The following SDR42E1 variants were observed in gnomAD, a reference collection of about 807,000 sequenced individuals.
SDR42E1 encodes the protein short-chain dehydrogenase/reductase family 42E member 1.
Under a neutral mutation model 2.6 loss-of-function variants are expected in SDR42E1, and 5 were observed. That is an observed-to-expected ratio of 1.94 (90% CI 1.01 to 4.08). The LOEUF is 4.08. Ranked by LOEUF, SDR42E1 falls within the 30% of genes most tolerant of loss-of-function variation. The pLI is 0.00. For synonymous variants in SDR42E1, 231 were observed against 188.3 expected (o/e 1.23, Z -1.86); for missense variants, 596 against 478.6 (o/e 1.25, Z -2.29).
intron 1 of SDR42E1, among the ~76,000 whole-genome samples, chr16:82,002,449 T>C (rs575184090): frequency 6.6e-6 from 1 of 152,192 alleles, no homozygotes; most frequent in African/African-American, 2.4e-5. Context: ...AACAAACACA[T>C]ACCTAGTGCT....
In SDR42E1 at chr16:81,990,124, C is replaced by T. The variant is rs1245770251; in HGVS notation, c.*8987G>A. On this transcript the variant is annotated 3_prime_UTR_variant, in exon 3 of 3. Coordinates refer to ENST00000328945, the MANE Select transcript of SDR42E1 (RefSeq NM_145168.3). ...GCCAGGAGTTTGAGACCAGCCTGGGCAAAACGGTGAGACCCTGTCTCTACA... is the reference window on the plus strand; with the variant it reads ...GCCAGGAGTTTGAGACCAGCCTGGGTAAAACGGTGAGACCCTGTCTCTACA... 1 of 152,250 alleles carries T rather than the reference C, an allele frequency of 6.6e-6. No homozygotes were observed. Among genetic ancestry groups the T allele is most frequent in the East Asian group, 1.9e-4 (1 of 5,188 alleles). The allele number at this position is 152,250 out of a possible 1,614,324, so 9.4% of individuals were successfully genotyped here.
chr16:82,006,976 C>G (rs898851142), intron 1 of SDR42E1, among the ~76,000 whole-genome samples: 1 of 152,212 alleles, frequency 6.6e-6, no homozygotes, highest in Non-Finnish European at 1.5e-5. Flanking sequence ...TGAGGTGTTT[C>G]AAATCTTGTT....
intron 2 of SDR42E1, 88 bp from the exon 3 acceptor site, chr16:82,000,312 GGGCTGATCCAAGTCTTCTT>G (rs1567564034): frequency 1.3e-6 from 2 of 1,529,738 alleles, no homozygotes; most frequent in Non-Finnish European, 1.8e-6. Context: ...AATCAAGGTG[GGGCTGATCCAAGTCTTCTT>G]GGCTCATCCT....
intron 2 of SDR42E1, 131 bp downstream of exon 2, chr16:82,000,660 G>C: frequency 2.9e-6 from 2 of 681,022 alleles, no homozygotes; most frequent in Middle Eastern, 3.7e-4. Context: ...TGTCTGAGCA[G>C]TGGGCAACAC....
chr16:81,999,200 C>T lies in SDR42E1; in HGVS notation c.1093G>A (p.Glu365Lys). The T allele has an allele frequency of 1.9e-6, 3 of 1,614,230 alleles. No individual in the cohort carries two copies. The South Asian group carries it at 3.3e-5, about 18-fold the overall frequency. Residue 365 changes from glutamate to lysine, a missense_variant, in exon 3 of 3, where the codon GAG becomes AAG. Physicochemically the swap from Glu to Lys is moderately conservative, Grantham distance 56 (BLOSUM62 1). Transcript: ENST00000328945. ...AATAGCCCATCCCAAACAAAACACT[C>T]CGAGTCACGACTTCCAGAACTTCTG... ...HGRSSGSRDS[E>K]CFVWDGLLVF... is the part of the protein sequence containing the mutation.
intron 1 of SDR42E1, 83 bp from the exon 2 acceptor site, chr16:82,000,967 G>C (rs1291612447): frequency 2.4e-6 from 2 of 847,386 alleles, no homozygotes; most frequent in Non-Finnish European, 1.9e-6. Context: ...AAAACAAAAA[G>C]TCAATACGCT....
At chr16:82,000,594 T>A (rs890422939) in intron 2 of SDR42E1, among the ~76,000 whole-genome samples, 197 bp downstream of exon 2, 3 of 152,246 alleles carry the variant, frequency 2.0e-5, no homozygotes, top group African/African-American at 7.2e-5. Flanking sequence ...CCCAATTTAA[T>A]GGCTTTATAA....
At chr16:82,002,858 G>A (rs970850343) in intron 1 of SDR42E1, among the ~76,000 whole-genome samples, 1 of 152,278 alleles carries the variant, frequency 6.6e-6, no homozygotes, top group East Asian at 1.9e-4. Flanking sequence ...ACCTGACACC[G>A]TATGGGCACT....
rs1188690206 is a variant in SDR42E1 at position 81,998,749 on chromosome 16, T to C, written c.*362A>G. 4.7e-6 allele frequency: 1 copy of C among 212,774 alleles called. No individual in the cohort carries two copies. The highest frequency in any genetic ancestry group is 5.2e-5 in the Admixed American group (1 of 19,072). 13.2% of individuals were successfully genotyped at this position (212,774 alleles called of 1,614,324 possible). ...CCATTCCCACATCAGTCAGAGGTTT[T>C]AGGTAGATGCAGACTGCATAAAATG... On this transcript the variant is annotated 3_prime_UTR_variant, in exon 3 of 3. Transcript: ENST00000328945.
In SDR42E1 at chr16:82,000,879, C is replaced by A. The variant is rs760727373; in HGVS notation, c.-21G>T. 6.2e-6 allele frequency: 10 copies of A among 1,602,582 alleles called. No homozygotes were observed. In the African/African-American group the frequency reaches 1.2e-4, roughly 19 times the overall value. Reference sequence around the variant, plus strand: ...TCCATATGTGGCAGTCAAAAGATAACTGGACCTGAAGAAAGAAGTATGCAT... The same window carrying A: ...TCCATATGTGGCAGTCAAAAGATAAATGGACCTGAAGAAAGAAGTATGCAT... On this transcript the variant is annotated 5_prime_UTR_variant, in exon 2 of 3. Coordinates refer to ENST00000328945, the MANE Select transcript of SDR42E1 (RefSeq NM_145168.3).
rs988732722 is a variant in SDR42E1, at chr16:81,998,694, T to C, written c.*417A>G. Reference sequence around the variant, plus strand: ...GGGATCTGGGCCAATTTGGTGTTTTTCACACGCATTCAAGCCTGATAGTGT... The same window carrying C: ...GGGATCTGGGCCAATTTGGTGTTTTCCACACGCATTCAAGCCTGATAGTGT... On this transcript the variant is annotated 3_prime_UTR_variant, in exon 3 of 3. Transcript: ENST00000328945. 4 of 176,136 alleles carry C rather than the reference T, an allele frequency of 2.3e-5. No individual in the cohort carries two copies. The highest frequency in any genetic ancestry group is 4.8e-5 in the Non-Finnish European group (4 of 83,356). 10.9% of individuals were successfully genotyped at this position (176,136 alleles called of 1,614,324 possible). A position where few individuals can be genotyped will look rare whatever the true frequency, so the allele number is the denominator to read the frequency against.
chr16:82,009,286 C>G (rs1406561170), intron 1 of SDR42E1, among the ~76,000 whole-genome samples: 1 of 152,186 alleles, frequency 6.6e-6, no homozygotes, highest in Non-Finnish European at 1.5e-5. Context: ...AGAGAGCTAC[C>G]ATCCTCCAGA....
intron 2 of SDR42E1, 30 bp from the exon 3 acceptor site, chr16:82,000,254 A>T (rs780486149): frequency 7.5e-6 from 12 of 1,599,982 alleles, no homozygotes; most frequent in Non-Finnish European, 9.3e-6. Context: ...ACGTTGAATC[A>T]AGTCACTCTT....
In SDR42E1 at chr16:81,993,043, G is replaced by A. The variant is rs563555807; in HGVS notation, c.*6068C>T. Reference sequence around the variant, plus strand: ...TTGGCTCAAGAAAAAGAGGCTCTAGGTTGGCTGGAAAAGTCAGCACTGGGA... The same window carrying A: ...TTGGCTCAAGAAAAAGAGGCTCTAGATTGGCTGGAAAAGTCAGCACTGGGA... On this transcript the variant is annotated 3_prime_UTR_variant, in exon 3 of 3. Transcript: ENST00000328945. The A allele has an allele frequency of 1.3e-5, 2 of 152,152 alleles. No individual in the cohort carries two copies. The highest frequency in any genetic ancestry group is 4.8e-5 in the African/African-American group (2 of 41,430). 9.4% of individuals were successfully genotyped at this position (152,152 alleles called of 1,614,324 possible). A position where few individuals can be genotyped will look rare whatever the true frequency, so the allele number is the denominator to read the frequency against.
At chr16:82,001,899 C>G (rs978033208) in intron 1 of SDR42E1, among the ~76,000 whole-genome samples, 1 of 126,928 alleles carries the variant, frequency 7.9e-6, no homozygotes, top group Non-Finnish European at 1.6e-5. Flanking sequence ...AAGACTCCAT[C>G]TCAAAAAAAA....
chr16:82,000,874 G>T lies in SDR42E1; in HGVS notation c.-16C>A. 6.2e-7 allele frequency: 1 copy of T among 1,606,916 alleles called. No homozygotes were observed. The highest frequency in any genetic ancestry group is 1.3e-5 in the African/African-American group (1 of 74,510). On this transcript the variant is annotated 5_prime_UTR_variant, in exon 2 of 3. Coordinates refer to ENST00000328945, the MANE Select transcript of SDR42E1 (RefSeq NM_145168.3). Reference sequence around the variant, plus strand: ...TGGGGTCCATATGTGGCAGTCAAAAGATAACTGGACCTGAAGAAAGAAGTA... The same window carrying T: ...TGGGGTCCATATGTGGCAGTCAAAATATAACTGGACCTGAAGAAAGAAGTA...
intron 1 of SDR42E1, among the ~76,000 whole-genome samples, 182 bp from the exon 2 acceptor site, chr16:82,001,066 C>T (rs966927249): frequency 4.6e-5 from 7 of 152,094 alleles, no homozygotes; most frequent in African/African-American, 1.7e-4. Flanking sequence ...CAAATTTCAC[C>T]CGATGTAACA....
rs1283709761 is a variant in SDR42E1 at position 81,996,977 on chromosome 16, G to A, written c.*2134C>T. On this transcript the variant is annotated 3_prime_UTR_variant, in exon 3 of 3. Coordinates refer to ENST00000328945, the MANE Select transcript of SDR42E1 (RefSeq NM_145168.3). ...TTAAGATCTCAGAAAGGCCTGATGT[G>A]GCACCCCAGAGAGCTGTTCAGACAG... 1.3e-5 allele frequency: 2 copies of A among 152,270 alleles called. No homozygotes were observed. Among genetic ancestry groups the A allele is most frequent in the African/African-American group, 4.8e-5 (2 of 41,452 alleles). The allele number at this position is 152,270 out of a possible 1,614,324, so 9.4% of individuals were successfully genotyped here.
At chr16:82,008,671 A>G (rs1194074933) in intron 1 of SDR42E1, among the ~76,000 whole-genome samples, 1 of 152,254 alleles carries the variant, frequency 6.6e-6, no homozygotes, top group East Asian at 1.9e-4. Context: ...AAAGCATTCA[A>G]GAGGAAGCAG....
Sources: allele counts gnomAD v4.1 joint callset (sites outside exome capture counted in the v4.1 genomes callset), GRCh38; gene constraint gnomAD v4.1.1; transcripts MANE v1.5; gene names NCBI Gene and HGNC (gene_info 2026-07-23, HGNC 2026-07-21).